The following GRIA2 variants were observed in gnomAD, a reference collection of about 807,000 sequenced individuals.
GRIA2 encodes glutamate ionotropic receptor AMPA type subunit 2.
In GRIA2, 14 loss-of-function variants were observed where a neutral mutation model predicts 97.3. The observed-to-expected ratio is 0.14, with a 90% confidence interval of 0.10 to 0.23. The LOEUF (loss-of-function observed/expected upper bound fraction) is 0.23. GRIA2 is among the 10% of genes least tolerant of loss of function. GRIA2 has a pLI of 1.00. For missense variants in GRIA2, 558 were observed against 1,069.8 expected (o/e 0.52, Z 6.67); for synonymous variants, 412 against 387.8 (o/e 1.06, Z -0.73).
chr4:157,341,552 A>G (rs917505133), intron 12 of GRIA2, 90 bp downstream of exon 12: 13 of 846,776 alleles, frequency 1.5e-5, no homozygotes, highest in Non-Finnish European at 1.8e-5. Flanking sequence ...ATTCCAAGGT[A>G]CTATGTGAAA....
intron 2 of GRIA2, among the ~76,000 whole-genome samples, chr4:157,250,792 A>C (rs543850651): frequency 1.6e-4 from 24 of 152,222 alleles, no homozygotes; most frequent in Non-Finnish European, 3.4e-4. Context: ...TTTACATAAA[A>C]CACAATCTTC....
At chr4:157,323,784 T>C (rs1433871499) in intron 6 of GRIA2, among the ~76,000 whole-genome samples, 2 of 152,180 alleles carry the variant, frequency 1.3e-5, no homozygotes, top group South Asian at 2.1e-4. Flanking sequence ...GTTAAAAATT[T>C]TGCCAAAACT....
chr4:157,360,426 G>T (rs1736583843), intron 13 of GRIA2, among the ~76,000 whole-genome samples: 1 of 151,514 alleles, frequency 6.6e-6, no homozygotes, highest in South Asian at 2.1e-4. Flanking sequence ...TGTTTGTTTA[G>T]CTTTACTTTG....
chr4:157,327,468 A>G (rs529267755), intron 6 of GRIA2, among the ~76,000 whole-genome samples: 1 of 152,290 alleles, frequency 6.6e-6, no homozygotes, highest in East Asian at 1.9e-4. Context: ...ACATGGGAAT[A>G]TTAAAACAGT....
intron 6 of GRIA2, among the ~76,000 whole-genome samples, chr4:157,327,242 T>C (rs1198294173): frequency 6.6e-6 from 1 of 152,068 alleles, no homozygotes; most frequent in Non-Finnish European, 1.5e-5. Flanking sequence ...CTATAGATAT[T>C]TGTAGGGATG....
At chr4:157,319,248 A>C (rs1211483231) in intron 5 of GRIA2, among the ~76,000 whole-genome samples, 2 of 152,146 alleles carry the variant, frequency 1.3e-5, no homozygotes, top group African/African-American at 4.8e-5. Flanking sequence ...GTGCCATTTG[A>C]TGAACAACAC....
intron 2 of GRIA2, among the ~76,000 whole-genome samples, chr4:157,264,969 C>A (rs1297856824): frequency 2.6e-5 from 4 of 152,018 alleles, no homozygotes; most frequent in African/African-American, 9.7e-5. Flanking sequence ...AACTGAGACA[C>A]AGAGAGTTTT....
intron 12 of GRIA2, among the ~76,000 whole-genome samples, chr4:157,354,727 G>A (rs574459828): frequency 5.3e-5 from 8 of 152,144 alleles, no homozygotes; most frequent in Non-Finnish European, 1.2e-4. Context: ...TTTAGCTTGT[G>A]CACAAGGGTC....
Position 157,224,978 on chromosome 4 carries a change from G to A in GRIA2, c.229+3171G>A, listed in dbSNP as rs532346560. ...AAAAATCCCACAGAGCTAAATTTAC[G>A]TATTAAAAAGTGGATTTTTATACCT... On this transcript the variant is annotated intron_variant, in intron 2 of 15. Coordinates refer to ENST00000264426, the MANE Select transcript of GRIA2 (RefSeq NM_001083619.3). Among the ~76,000 whole-genome samples, 5 of 152,052 alleles carry A rather than the reference G, an allele frequency of 3.3e-5. 1 individual carries two copies. Among genetic ancestry groups the A allele is most frequent in the East Asian group, 1.9e-4 (1 of 5,180 alleles).
chr4:157,277,912 A>ATG (rs1560743513), intron 2 of GRIA2, among the ~76,000 whole-genome samples: 4 of 145,842 alleles, frequency 2.7e-5, no homozygotes, highest in African/African-American at 7.4e-5. Flanking sequence ...GTATATATGT[A>ATG]TATATATGTA....
At chr4:157,353,126 G>T (rs149009579) in intron 12 of GRIA2, among the ~76,000 whole-genome samples, 22,711 of 151,796 alleles carry the variant, frequency 0.15, 1,728 homozygotes, top group Non-Finnish European at 0.16. Context: ...GCCGAGGTGG[G>T]TGGATCACCT....
chr4:157,282,375 A>C (rs551214729), intron 2 of GRIA2, among the ~76,000 whole-genome samples: 124 of 152,192 alleles, frequency 8.1e-4, no homozygotes, highest in Non-Finnish European at 1.4e-3. Flanking sequence ...AGTAGTAAGA[A>C]GTAGGAGTCT....
intron 3 of GRIA2, 132 bp from the exon 4 acceptor site, chr4:157,312,547 T>C (rs1734125984): frequency 3.9e-6 from 2 of 515,062 alleles, no homozygotes; most frequent in African/African-American, 2.0e-5. Context: ...TATAGCTTTT[T>C]TTGAAGGAGT....
At chr4:157,256,814 T>C (rs1444263240) in intron 2 of GRIA2, among the ~76,000 whole-genome samples, 4 of 151,994 alleles carry the variant, frequency 2.6e-5, no homozygotes, top group African/African-American at 9.7e-5. Flanking sequence ...CTAGAAGGAC[T>C]TGGTATCTAG....
intron 2 of GRIA2, among the ~76,000 whole-genome samples, chr4:157,254,078 A>C (rs564481232): frequency 8.5e-5 from 13 of 152,100 alleles, no homozygotes; most frequent in African/African-American, 2.6e-4. Flanking sequence ...GAGAGACATT[A>C]ATGCTCTTTT....
chr4:157,322,185 C>T (rs1303821600), intron 6 of GRIA2, among the ~76,000 whole-genome samples: 2 of 149,290 alleles, frequency 1.3e-5, no homozygotes, highest in African/African-American at 2.5e-5. Context: ...AGTCAATAAA[C>T]GTATGGCCAC....
At chr4:157,245,913 GA>G (rs570968720) in intron 2 of GRIA2, among the ~76,000 whole-genome samples, 74 of 152,054 alleles carry the variant, frequency 4.9e-4, no homozygotes, top group African/African-American at 1.6e-3. Flanking sequence ...CTATGTAAAG[GA>G]ACTCAACCCT....
chr4:157,301,259 G>A (rs1733602705), intron 2 of GRIA2, among the ~76,000 whole-genome samples: 1 of 152,124 alleles, frequency 6.6e-6, no homozygotes, highest in African/African-American at 2.4e-5. Flanking sequence ...GTTTTCCTAG[G>A]TGAGATGAAA....
chr4:157,346,069 A>G (rs1280176374), intron 12 of GRIA2, among the ~76,000 whole-genome samples: 1 of 152,146 alleles, frequency 6.6e-6, no homozygotes, highest in Non-Finnish European at 1.5e-5. Context: ...ATATGCATAC[A>G]TTGTCTACTA....
Sources: gnomAD v4.1 joint callset for allele counts (sites outside exome capture counted in the v4.1 genomes callset) on GRCh38, gnomAD v4.1.1 for gene constraint, MANE v1.5 for transcripts, NCBI Gene and HGNC (gene_info 2026-07-23, HGNC 2026-07-21) for gene names.